Variants in SLC14A2 observed in about 807,000 individuals in gnomAD.
SLC14A2 encodes the protein solute carrier family 14 member 2.
Under a neutral mutation model 104.6 loss-of-function variants are expected in SLC14A2, and 91 were observed. That is an observed-to-expected ratio of 0.87 (90% CI 0.73 to 1.04). The LOEUF (loss-of-function observed/expected upper bound fraction) is 1.04. SLC14A2 is among the 50% of genes least tolerant of loss of function. The pLI, the probability that SLC14A2 is intolerant of heterozygous loss-of-function variation, is 0.00. For missense variants in SLC14A2, 1,189 were observed against 1,156.0 expected, an observed-to-expected ratio of 1.03 and a Z score of -0.41; for synonymous variants, 476 against 466.4, an observed-to-expected ratio of 1.02 and a Z score of -0.27.
At chr18:45,228,962 T>C (rs1188301581) in intron 1 of SLC14A2, among the ~76,000 whole-genome samples, 2 of 152,140 alleles carry the variant, frequency 1.3e-5, no homozygotes, top group Non-Finnish European at 2.9e-5. Flanking sequence ...TCCAGTGTTT[T>C]CCCCTACAAC....
rs113995394 is a variant in SLC14A2 at position 45,530,419 on chromosome 18, A to C, written c.-35+47097A>C. On this transcript the variant is annotated intron_variant, in intron 2 of 20. Coordinates refer to the SLC14A2 transcript ENST00000586448. ...CTACTAAATCTACAAAAACATAGAA[A>C]TATCCTTGTATTTCTGTGTTTTTGT... Among the ~76,000 whole-genome samples the C allele has an allele frequency of 7.2e-3, 1,090 of 152,246 alleles. 18 individuals are homozygous for C. Among genetic ancestry groups the C allele is most frequent in the African/African-American group, 0.025 (1,025 of 41,556 alleles).
intron 1 of SLC14A2, among the ~76,000 whole-genome samples, chr18:45,230,442 G>A (rs897841274): frequency 2.0e-5 from 3 of 152,156 alleles, no homozygotes; most frequent in African/African-American, 7.2e-5. Flanking sequence ...TTCAAGGACA[G>A]TGACATTGCA....
chr18:45,344,376 C>A lies in SLC14A2; in HGVS notation c.-125+131185C>A, dbSNP rs1229157933. Among the ~76,000 whole-genome samples the A allele has an allele frequency of 6.6e-5, 10 of 152,172 alleles. 1 individual carries two copies. The highest frequency in any genetic ancestry group is 6.5e-4 in the Admixed American group (10 of 15,274). On this transcript the variant is annotated intron_variant, in intron 1 of 20. Transcript: ENST00000586448. ...CAACACCAGCCAAAAGTCAGGGTAA[C>A]CCCAAGTTCCGCTGGCTGGCTGGCT...
chr18:45,523,390 C>A (rs892629267), intron 2 of SLC14A2, among the ~76,000 whole-genome samples: 1 of 151,554 alleles, frequency 6.6e-6, no homozygotes, highest in African/African-American at 2.4e-5. Flanking sequence ...AGTGCAGTGG[C>A]GCAATCTCGG....
chr18:45,378,871 G>A (rs1461435719), intron 1 of SLC14A2, among the ~76,000 whole-genome samples: 2 of 151,982 alleles, frequency 1.3e-5, no homozygotes, highest in African/African-American at 4.8e-5. Flanking sequence ...TCAGCCTCCC[G>A]AAGTGCTGGG....
chr18:45,617,192 T>G (rs1019868762), intron 1 of SLC14A2, among the ~76,000 whole-genome samples: 5 of 152,136 alleles, frequency 3.3e-5, no homozygotes, highest in Non-Finnish European at 7.4e-5. Context: ...AGAGGTCAAG[T>G]GGTCTGCTCT....
chr18:45,457,734 A>G (rs961812704), intron 1 of SLC14A2, among the ~76,000 whole-genome samples: 3 of 151,308 alleles, frequency 2.0e-5, no homozygotes, highest in African/African-American at 7.3e-5. Flanking sequence ...ACACAGGCTC[A>G]GGAGCTGGAC....
intron 1 of SLC14A2, among the ~76,000 whole-genome samples, chr18:45,238,247 C>A (rs1013560290): frequency 2.6e-5 from 4 of 152,180 alleles, no homozygotes; most frequent in African/African-American, 9.7e-5. Context: ...TTTTATTGAG[C>A]ACTTGCCATG....
chr18:45,178,318 A>T, the SLC14A2 span, among the ~76,000 whole-genome samples: 4 of 152,204 alleles, frequency 2.6e-5, no homozygotes, highest in Admixed American at 1.3e-4. Context: ...TAAAAGAGTG[A>T]CAGTCATATT....
At chr18:45,627,342 T>A (rs2045276220) in intron 4 of SLC14A2, among the ~76,000 whole-genome samples, 195 bp downstream of exon 4, 1 of 152,184 alleles carries the variant, frequency 6.6e-6, no homozygotes, top group South Asian at 2.1e-4. Context: ...CAACATTCAT[T>A]TGACTGTGGA....
At chr18:45,419,033 C>G (rs1159416304) in intron 1 of SLC14A2, among the ~76,000 whole-genome samples, 2 of 152,160 alleles carry the variant, frequency 1.3e-5, no homozygotes, top group Admixed American at 1.3e-4. Flanking sequence ...AGAGTCTCTT[C>G]ATTTGATTTC....
intron 10 of SLC14A2, among the ~76,000 whole-genome samples, chr18:45,649,914 G>C (rs2045701803): frequency 6.6e-6 from 1 of 152,256 alleles, no homozygotes; most frequent in Non-Finnish European, 1.5e-5. Flanking sequence ...ATTTTATGAA[G>C]CTAAGCCCAG....
At chr18:45,366,167 G>A (rs1408538206) in intron 1 of SLC14A2, among the ~76,000 whole-genome samples, 1 of 152,060 alleles carries the variant, frequency 6.6e-6, no homozygotes, top group African/African-American at 2.4e-5. Flanking sequence ...CCCTGGTCAG[G>A]TGCTTGACCC....
chr18:45,244,583 C>G (rs989188765), intron 1 of SLC14A2, among the ~76,000 whole-genome samples: 2 of 151,902 alleles, frequency 1.3e-5, no homozygotes, highest in African/African-American at 4.8e-5. Flanking sequence ...CTGAGATTGT[C>G]CTACTGCACT....
intron 1 of SLC14A2, among the ~76,000 whole-genome samples, chr18:45,375,923 G>A (rs746371928): frequency 6.6e-6 from 1 of 152,168 alleles, no homozygotes; most frequent in Non-Finnish European, 1.5e-5. Context: ...ACAAGCAACA[G>A]TGCATGCCCA....
At chr18:45,361,727 C>A (rs940079485) in intron 1 of SLC14A2, among the ~76,000 whole-genome samples, 7 of 152,118 alleles carry the variant, frequency 4.6e-5, no homozygotes, top group African/African-American at 1.7e-4. Flanking sequence ...CAGGGCTGCT[C>A]GGCTTCTCGG....
intron 1 of SLC14A2, among the ~76,000 whole-genome samples, chr18:45,439,928 A>T (rs893719928): frequency 6.6e-6 from 1 of 152,162 alleles, no homozygotes; most frequent in African/African-American, 2.4e-5. Context: ...AAGTAAGACC[A>T]TTTCCTTACA....
chr18:45,303,194 A>G (rs1363206217), intron 1 of SLC14A2, among the ~76,000 whole-genome samples: 1 of 152,204 alleles, frequency 6.6e-6, no homozygotes, highest in Non-Finnish European at 1.5e-5. Flanking sequence ...AAGGGAAATG[A>G]CGTACAGAAA....
chr18:45,592,981 A>T (rs1319332740), intron 2 of SLC14A2, among the ~76,000 whole-genome samples: 1 of 152,180 alleles, frequency 6.6e-6, no homozygotes, highest in Non-Finnish European at 1.5e-5. Flanking sequence ...GCGTTGTCAA[A>T]CAACTAAAGA....
Sources: gnomAD v4.1 joint callset for allele counts (sites outside exome capture counted in the v4.1 genomes callset) on GRCh38, gnomAD v4.1.1 for gene constraint, MANE v1.5 for transcripts, NCBI Gene and HGNC (gene_info 2026-07-23, HGNC 2026-07-21) for gene names.